The following KIAA1958 variants were observed in gnomAD, a reference collection of about 807,000 sequenced individuals.
KIAA1958 encodes the protein KIAA1958, also known as uncharacterized protein KIAA1958.
Under a neutral mutation model 47.2 loss-of-function variants are expected in KIAA1958, and 14 were observed. The observed-to-expected ratio is 0.30, with a 90% confidence interval of 0.20 to 0.46. The LOEUF (loss-of-function observed/expected upper bound fraction) is 0.46, where lower values mean the gene tolerates loss of function less well. Ranked by LOEUF, KIAA1958 falls within the 20% of genes least tolerant of loss-of-function variation. KIAA1958 has a pLI of 1.00. For synonymous variants in KIAA1958, 354 were observed against 353.3 expected, an observed-to-expected ratio of 1.00 and a Z score of -0.02; for missense variants, 803 against 909.2, an observed-to-expected ratio of 0.88 and a Z score of 1.50.
At chr9:112,608,640 A>C (rs62568636) in intron 2 of KIAA1958, among the ~76,000 whole-genome samples, 12,402 of 152,116 alleles carry the variant, frequency 0.082, 723 homozygotes, top group East Asian at 0.19. Flanking sequence ...AAATGCAAAA[A>C]GTTAATCGGG....
At chr9:112,561,858 C>G (rs1835337559) in intron 1 of KIAA1958, among the ~76,000 whole-genome samples, 1 of 151,780 alleles carries the variant, frequency 6.6e-6, no homozygotes, top group African/African-American at 2.4e-5. Flanking sequence ...CTGTCTCAAA[C>G]AAACAAACAA....
Position 112,666,779 on chromosome 9 carries a change from C to A in KIAA1958, c.*6710C>A, listed in dbSNP as rs1449569319. The A allele has an allele frequency of 2.6e-5, 4 of 152,184 alleles. No individual in the cohort carries two copies. The highest frequency in any genetic ancestry group is 9.7e-5 in the African/African-American group (4 of 41,440). 9.4% of individuals were successfully genotyped at this position (152,184 alleles called of 1,614,324 possible). ...TCCTCTTCCCCAATCATGCCTGTCA[C>A]CTTACTCGGAGTCAGAGCTCCTGAG... is the stretch of plus-strand genomic sequence containing the variant. On this transcript the variant is annotated 3_prime_UTR_variant, in exon 4 of 4. Transcript: ENST00000337530.
At chr9:112,542,263 A>G (rs1834957296) in intron 1 of KIAA1958, among the ~76,000 whole-genome samples, 1 of 152,194 alleles carries the variant, frequency 6.6e-6, no homozygotes, top group African/African-American at 2.4e-5. Flanking sequence ...AAATGTCCCA[A>G]TATGGTCAAG....
At chr9:112,647,313 G>T (rs1403307708) in intron 3 of KIAA1958, among the ~76,000 whole-genome samples, 2 of 152,108 alleles carry the variant, frequency 1.3e-5, no homozygotes, top group African/African-American at 2.4e-5. Flanking sequence ...GACCTGAAAG[G>T]GTCCTAAAGT....
chr9:112,574,351 C>A lies in KIAA1958; in HGVS notation c.271C>A (p.Pro91Thr), dbSNP rs756405030. 1.2e-6 allele frequency: 2 copies of A among 1,614,150 alleles called. No homozygotes were observed. The highest frequency in any genetic ancestry group is 3.3e-5 in the Admixed American group (2 of 60,020). The change falls in exon 2 of 4, where the codon CCC becomes ACC. Residue 91 changes from proline (P) to threonine (T), a missense_variant. Pro to Thr is a conservative substitution (Grantham distance 38). Transcript: ENST00000337530. ...NSDSPSIIGV[P>T]SETQTSPVER... ...TGATAGTCCCAGTATAATCGGGGTG[C>A]CCTCTGAGACACAGACTAGCCCTGT...
intron 1 of KIAA1958, among the ~76,000 whole-genome samples, chr9:112,542,014 C>T (rs1042620519): frequency 5.9e-5 from 9 of 152,048 alleles, no homozygotes; most frequent in African/African-American, 2.2e-4. Flanking sequence ...CTTTAAGGAA[C>T]GTTCGTTTTG....
At chr9:112,598,806 C>T (rs1324494120) in intron 2 of KIAA1958, among the ~76,000 whole-genome samples, 3 of 152,140 alleles carry the variant, frequency 2.0e-5, no homozygotes, top group African/African-American at 7.2e-5. Flanking sequence ...CATGGTGGCT[C>T]ACACCTGTAA....
At chr9:112,627,001 T>C (rs921092692) in intron 2 of KIAA1958, among the ~76,000 whole-genome samples, 3 of 152,190 alleles carry the variant, frequency 2.0e-5, no homozygotes, top group East Asian at 3.8e-4. Context: ...TGAAAAACTG[T>C]GTTAAAAGGC....
chr9:112,608,695 G>T (rs1167129199), intron 2 of KIAA1958, among the ~76,000 whole-genome samples: 1 of 152,154 alleles, frequency 6.6e-6, no homozygotes, highest in Non-Finnish European at 1.5e-5. Flanking sequence ...GGAGGCTGAG[G>T]TGGGAGGATT....
At chr9:112,576,541 A>C (rs1033578365) in intron 2 of KIAA1958, among the ~76,000 whole-genome samples, 5 of 152,144 alleles carry the variant, frequency 3.3e-5, no homozygotes, top group South Asian at 4.1e-4. Flanking sequence ...GGCAACTGCT[A>C]ATCTGCTTTC....
At chr9:112,524,964 T>G (rs987736623) in intron 1 of KIAA1958, among the ~76,000 whole-genome samples, 1 of 152,220 alleles carries the variant, frequency 6.6e-6, no homozygotes, top group Non-Finnish European at 1.5e-5. Flanking sequence ...ATTCTATACT[T>G]CTGCTCAGCA....
intron 1 of KIAA1958, among the ~76,000 whole-genome samples, chr9:112,490,401 A>T (rs1414729559): frequency 6.6e-6 from 1 of 152,132 alleles, no homozygotes; most frequent in East Asian, 1.9e-4. Flanking sequence ...CTTACGTGAT[A>T]CTTCTTGACT....
In KIAA1958 at chr9:112,571,959, T is replaced by C. The variant is rs142547742; in HGVS notation, c.-24-2098T>C. Reference sequence around the variant, plus strand: ...TACATGAAAGGAACATAAATAAGTCTAAATTTCTAGAGTATGAAGGAAATG... The same window carrying C: ...TACATGAAAGGAACATAAATAAGTCCAAATTTCTAGAGTATGAAGGAAATG... On this transcript the variant is annotated intron_variant, in intron 1 of 3. Transcript: ENST00000337530. Among the ~76,000 whole-genome samples the C allele has an allele frequency of 8.8e-3, 1,328 of 151,116 alleles. 12 individuals are homozygous for C. The highest frequency in any genetic ancestry group is 0.051 in the Middle Eastern group (15 of 292).
Position 112,668,430 on chromosome 9 carries a change from T to C in KIAA1958, c.*8361T>C, listed in dbSNP as rs1244462001. 6.6e-6 allele frequency: 1 copy of C among 152,234 alleles called. No homozygotes were observed. The highest frequency in any genetic ancestry group is 2.4e-5 in the African/African-American group (1 of 41,456). 9.4% of individuals were successfully genotyped at this position (152,234 alleles called of 1,614,324 possible). ...GTACTTGAAGTTTTATGGAACGCCATTTAAATTCAGACATCAAGGGAATGA... is the reference window on the plus strand; with the variant it reads ...GTACTTGAAGTTTTATGGAACGCCACTTAAATTCAGACATCAAGGGAATGA... On this transcript the variant is annotated 3_prime_UTR_variant, in exon 4 of 4. Transcript: ENST00000337530.
At position 112,618,056 on chromosome 9, in the gene KIAA1958, A is replaced by C. The variant is rs1430690994; in HGVS notation, c.1172-27594A>C. The C allele has an allele frequency of 6.4e-7, 1 of 1,550,598 alleles. No individual in the cohort carries two copies. The highest frequency in any genetic ancestry group is 1.4e-5 in the African/African-American group (1 of 73,162). On this transcript the variant is annotated intron_variant, in intron 2 of 3. Transcript: ENST00000337530. The surrounding 1 kb of genome is among the most constrained non-coding windows in gnomAD (Gnocchi z 7.1). ...CCTTGCCTCTTTCTTTGTTGATGCC[A>C]GGCAGAAGGATGGGTCCGAATACGA... is the stretch of plus-strand genomic sequence containing the variant.
At chr9:112,541,783 T>C (rs1463582604) in intron 1 of KIAA1958, among the ~76,000 whole-genome samples, 1 of 151,890 alleles carries the variant, frequency 6.6e-6, no homozygotes, top group African/African-American at 2.4e-5. Context: ...CCATCCTTGG[T>C]GACAGAGTGA....
chr9:112,646,197 T>G (rs912667911), intron 3 of KIAA1958, among the ~76,000 whole-genome samples: 1 of 152,146 alleles, frequency 6.6e-6, no homozygotes, highest in Admixed American at 6.5e-5. Flanking sequence ...ACAGACTCAC[T>G]TGACTACAGC....
At chr9:112,605,946 T>C (rs538458882) in intron 2 of KIAA1958, among the ~76,000 whole-genome samples, 3 of 152,352 alleles carry the variant, frequency 2.0e-5, no homozygotes, top group Admixed American at 6.5e-5. Flanking sequence ...GATTTTCTTA[T>C]TTGTATTCTT....
At chr9:112,638,054 C>T (rs1200532210) in intron 2 of KIAA1958, among the ~76,000 whole-genome samples, 3 of 152,094 alleles carry the variant, frequency 2.0e-5, no homozygotes, top group African/African-American at 7.2e-5. Flanking sequence ...GAGGCTGAGG[C>T]AGGAGAATCG....
Sources: allele counts gnomAD v4.1 joint callset (sites outside exome capture counted in the v4.1 genomes callset), GRCh38; gene constraint gnomAD v4.1.1; non-coding constraint Gnocchi (gnomAD v3.1); transcripts MANE v1.5; gene names NCBI Gene and HGNC (gene_info 2026-07-23, HGNC 2026-07-21).